RPA1: variants seen among roughly 807,000 people sequenced by gnomAD.
The protein encoded by RPA1 is replication protein A1.
RPA1 carries 49 observed loss-of-function variants against 83.0 expected under a neutral mutation model. That is an observed-to-expected ratio of 0.59 (90% confidence interval 0.47 to 0.75). The LOEUF (loss-of-function observed/expected upper bound fraction) is 0.75, where lower values mean the gene tolerates loss of function less well. Ranked by LOEUF, RPA1 falls within the 30% of genes least tolerant of loss-of-function variation. RPA1 has a pLI of 0.00. For missense variants in RPA1, 693 were observed against 776.1 expected (o/e 0.89, Z 1.27); for synonymous variants, 279 against 281.8 (o/e 0.99, Z 0.10).
chr17:1,895,983 TTAGTTA>T lies in RPA1; in HGVS notation c.1746+897_1746+902del, dbSNP rs17292496. Among the ~76,000 whole-genome samples the T allele has an allele frequency of 7.7e-3, 1,167 of 152,170 alleles. 21 individuals carry two copies. The highest frequency in any genetic ancestry group is 0.027 in the African/African-American group (1,116 of 41,508). ...ACAGGCATGAGCCACCGCGCCCAGC[TTAGTTA>T]TAGTTATAATCAAACAGTATTGAGC... On this transcript the variant is annotated intron_variant, in intron 16 of 16. Transcript: ENST00000254719.
intron 13 of RPA1, among the ~76,000 whole-genome samples, chr17:1,888,266 A>C (rs539578215): frequency 5.3e-4 from 81 of 152,296 alleles, no homozygotes; most frequent in Non-Finnish European, 8.1e-4. Flanking sequence ...TCGTTGCTGC[A>C]CTGGGTGTTT....
intron 5 of RPA1, among the ~76,000 whole-genome samples, chr17:1,871,818 G>A (rs1456427452): frequency 6.6e-6 from 1 of 151,744 alleles, no homozygotes; most frequent in Admixed American, 6.6e-5. Context: ...GAACCCCATT[G>A]TCATCTCTCC....
At chr17:1,890,708 G>A (rs1914172245) in intron 14 of RPA1, among the ~76,000 whole-genome samples, 1 of 152,124 alleles carries the variant, frequency 6.6e-6, no homozygotes, top group South Asian at 2.1e-4. Flanking sequence ...AAAATGAAAT[G>A]TTAGCTTAGC....
intron 1 of RPA1, among the ~76,000 whole-genome samples, chr17:1,834,885 A>G (rs1214132572): frequency 6.6e-6 from 1 of 151,802 alleles, no homozygotes; most frequent in Non-Finnish European, 1.5e-5. Flanking sequence ...TTTTTTTTAA[A>G]GGGTCTCACT....
At chr17:1,890,318 C>T (rs911152910) in intron 14 of RPA1, among the ~76,000 whole-genome samples, 1 of 152,022 alleles carries the variant, frequency 6.6e-6, no homozygotes, top group African/African-American at 2.4e-5. Flanking sequence ...GAGCCATGAT[C>T]GTGGCACTGC....
chr17:1,891,777 T>C (rs887610415), intron 14 of RPA1, 56 bp from the exon 15 acceptor site: 1 of 1,163,180 alleles, frequency 8.6e-7, no homozygotes. Flanking sequence ...CCCCATCTTC[T>C]CAGTGTGTCT....
chr17:1,836,107 CTTTT>C (rs1020374387), intron 1 of RPA1, among the ~76,000 whole-genome samples: 3 of 73,250 alleles, frequency 4.1e-5, no homozygotes, highest in Admixed American at 1.2e-4. Flanking sequence ...TAAATTGCAC[CTTTT>C]TTATTTATTT....
chr17:1,895,338 TA>T (rs1423614243), intron 16 of RPA1, among the ~76,000 whole-genome samples: 1 of 143,094 alleles, frequency 7.0e-6, no homozygotes, highest in Non-Finnish European at 1.5e-5. Flanking sequence ...TTTGTTTGTT[TA>T]TTTTTTTTAT....
At chr17:1,831,767 T>G (rs945160294) in intron 1 of RPA1, among the ~76,000 whole-genome samples, 1 of 151,290 alleles carries the variant, frequency 6.6e-6, no homozygotes, top group Non-Finnish European at 1.5e-5. Flanking sequence ...CCCGGCTAAT[T>G]TTTTGTATTT....
intron 6 of RPA1, among the ~76,000 whole-genome samples, chr17:1,874,110 C>A (rs1197580131): frequency 6.8e-6 from 1 of 147,992 alleles, no homozygotes; most frequent in Admixed American, 6.8e-5. Flanking sequence ...GGTAAATAAT[C>A]ATTTCCTTAG....
At chr17:1,847,711 T>C (rs1912312851) in intron 4 of RPA1, among the ~76,000 whole-genome samples, 1 of 152,152 alleles carries the variant, frequency 6.6e-6, no homozygotes, top group Admixed American at 6.6e-5. Flanking sequence ...CTAATTATAC[T>C]CATAAATGTT....
At chr17:1,852,162 T>C (rs1183147952) in intron 4 of RPA1, among the ~76,000 whole-genome samples, 1 of 152,226 alleles carries the variant, frequency 6.6e-6, no homozygotes, top group Non-Finnish European at 1.5e-5. Flanking sequence ...CAAGTATGTA[T>C]TGAGCAACAA....
At chr17:1,882,347 A>C (rs1350918319) in intron 12 of RPA1, among the ~76,000 whole-genome samples, 1 of 152,166 alleles carries the variant, frequency 6.6e-6, no homozygotes, top group Non-Finnish European at 1.5e-5. Flanking sequence ...GCCTTCTGAT[A>C]AGTTGCTCTG....
rs562046081 is a variant in RPA1 at position 1,855,621 on chromosome 17, C to T, written c.361+2432C>T. ...TTTACTTTGTTTAGAATTGTTGTATCGGTATTCACGAGAGATATTTTTCTT... is the reference window on the plus strand; with the variant it reads ...TTTACTTTGTTTAGAATTGTTGTATTGGTATTCACGAGAGATATTTTTCTT... On this transcript the variant is annotated intron_variant, in intron 5 of 16. Coordinates refer to ENST00000254719, the MANE Select transcript of RPA1 (RefSeq NM_002945.5). 9.9e-5 allele frequency among the ~76,000 whole-genome samples: 15 copies of T among 152,260 alleles called. No individual in the cohort carries two copies. The South Asian group carries it at 1.7e-3, about 17-fold the overall frequency.
Position 1,883,958 on chromosome 17 carries a change from C to A in RPA1, c.1374+14C>A. On this transcript the variant is annotated intron_variant, in intron 13 of 16. Transcript: ENST00000254719. ...CAAGGCGACAAGGTACCCAGCATTCCTAACCACCTTCACAAAGGGCTGTAA... is the reference window on the plus strand; with the variant it reads ...CAAGGCGACAAGGTACCCAGCATTCATAACCACCTTCACAAAGGGCTGTAA... 6.2e-7 allele frequency: 1 copy of A among 1,613,334 alleles called. No homozygotes were observed.
intron 1 of RPA1, among the ~76,000 whole-genome samples, chr17:1,838,768 C>A (rs1192898273): frequency 6.6e-6 from 1 of 152,106 alleles, no homozygotes; most frequent in Non-Finnish European, 1.5e-5. Context: ...TTTTTAAATA[C>A]AGATATTCAG....
intron 1 of RPA1, among the ~76,000 whole-genome samples, chr17:1,839,028 T>G (rs1295335642): frequency 6.6e-6 from 1 of 151,960 alleles, no homozygotes; most frequent in Non-Finnish European, 1.5e-5. Flanking sequence ...TTTTTTTTTG[T>G]ATTTTTAGTA....
rs763633051 is a variant in RPA1 at position 1,879,376 on chromosome 17, C to T, written c.921C>T (p.Asp307=). ...AGTTTGATTTCACGGGGATTGATGA[C>T]CTCGAGAACAAGTCGAAAGACTCAC... The part of the protein sequence containing the change: ...TVQFDFTGID[D]LENKSKDSLV... Residue 307 remains aspartate (D), a synonymous_variant, in exon 10 of 17, where the codon GAC becomes GAT. Transcript: ENST00000254719. 1.9e-6 allele frequency: 3 copies of T among 1,614,166 alleles called. No individual in the cohort carries two copies. The highest frequency in any genetic ancestry group is 1.7e-5 in the Admixed American group (1 of 60,014).
chr17:1,884,885 G>T lies in RPA1; in HGVS notation c.1374+941G>T, dbSNP rs1024120119. On this transcript the variant is annotated intron_variant, in intron 13 of 16. Coordinates refer to ENST00000254719, the MANE Select transcript of RPA1 (RefSeq NM_002945.5). This position sits in a 1 kb window ranked among gnomAD's most constrained non-coding sequence, Gnocchi z 4.1. ...AAAAATGCTGACAATCATCTGAGTC[G>T]TAATCTTCTTGCTGGTGGGGGTTTG... Among the ~76,000 whole-genome samples, 1 of 152,160 alleles carries T rather than the reference G, an allele frequency of 6.6e-6. No homozygotes were observed. The highest frequency in any genetic ancestry group is 2.1e-4 in the South Asian group (1 of 4,828).
Sources: gnomAD v4.1 joint callset for allele counts (sites outside exome capture counted in the v4.1 genomes callset) on GRCh38, gnomAD v4.1.1 for gene constraint, Gnocchi (gnomAD v3.1) non-coding constraint, MANE v1.5 for transcripts, NCBI Gene and HGNC (gene_info 2026-07-23, HGNC 2026-07-21) for gene names.